The following FADS3 variants were observed in gnomAD, a reference collection of about 807,000 sequenced individuals.
FADS3 encodes the protein fatty acid desaturase 3, also known as cytochrome b5-related protein.
FADS3 carries 30 observed loss-of-function variants against 60.4 expected under a neutral mutation model. The ratio of observed to expected loss-of-function variants is 0.50; its 90% CI spans 0.37 to 0.67. FADS3 has a LOEUF of 0.67. FADS3 is among the 30% of genes least tolerant of loss of function. The pLI is 0.00. For missense variants in FADS3, 432 were observed against 598.3 expected, an observed-to-expected ratio of 0.72 and a Z score of 2.90; for synonymous variants, 234 against 249.3, an observed-to-expected ratio of 0.94 and a Z score of 0.58.
intron 1 of FADS3, among the ~76,000 whole-genome samples, chr11:61,886,558 G>A (rs556040070): frequency 6.6e-6 from 1 of 152,170 alleles, no homozygotes; most frequent in Non-Finnish European, 1.5e-5. Context: ...ACCAACTCCT[G>A]TGGCCTCAGA....
At chr11:61,889,912 G>A (rs1015049924) in intron 1 of FADS3, among the ~76,000 whole-genome samples, 7 of 152,146 alleles carry the variant, frequency 4.6e-5, no homozygotes, top group African/African-American at 1.7e-4. Context: ...CTCCTTGAAG[G>A]GAGGCCAGGG....
rs1368297196 is a variant in FADS3, at chr11:61,891,388, C to T, written c.-7G>A. On this transcript the variant is annotated 5_prime_UTR_variant, in exon 1 of 12. The change creates a new upstream start codon in the 5' untranslated region. Coordinates refer to ENST00000278829, the MANE Select transcript of FADS3 (RefSeq NM_021727.5). ...GCTCCCCGACGCCGCCCATGCTGCA[C>T]GCACGAGTCCTGGGGATCCCAGGCG... The T allele has an allele frequency of 6.2e-6, 9 of 1,446,298 alleles. No homozygotes were observed. The South Asian group carries it at 1.1e-4, about 18-fold the overall frequency. 89.6% of individuals were successfully genotyped at this position (1,446,298 alleles called of 1,614,324 possible).
intron 1 of FADS3, chr11:61,880,970 G>C (rs990302701): frequency 6.6e-6 from 1 of 151,982 alleles, no homozygotes; most frequent in Non-Finnish European, 1.5e-5. Flanking sequence ...CCAAAGTGCT[G>C]GAATTATAGG....
chr11:61,877,630 T>G lies in FADS3; in HGVS notation c.809-43A>C. 6.3e-7 allele frequency: 1 copy of G among 1,586,212 alleles called. No homozygotes were observed. Among genetic ancestry groups the G allele is most frequent in the Non-Finnish European group, 8.6e-7 (1 of 1,159,472 alleles). On this transcript the variant is annotated intron_variant, in intron 6 of 11. Coordinates refer to ENST00000278829, the MANE Select transcript of FADS3 (RefSeq NM_021727.5). This position sits in a 1 kb window ranked among gnomAD's most constrained non-coding sequence, Gnocchi z 4.7. ...AGAGTGTTCAGGAGTGGGGCTGGGCTGCCAAGGTGAGTGGGCGCCAGAGTG... is the reference window on the plus strand; with the variant it reads ...AGAGTGTTCAGGAGTGGGGCTGGGCGGCCAAGGTGAGTGGGCGCCAGAGTG...
At chr11:61,878,398 C>T in intron 5 of FADS3, 114 bp downstream of exon 5, 1 of 1,485,196 alleles carries the variant, frequency 6.7e-7, no homozygotes. Flanking sequence ...CTTGGCCCAG[C>T]CAGAGTGGAG....
Position 61,873,621 on chromosome 11 carries a change from C to A in FADS3, c.*193G>T. 1 of 607,454 alleles carries A rather than the reference C, an allele frequency of 1.6e-6. No individual in the cohort carries two copies. The highest frequency in any genetic ancestry group is 3.0e-6 in the Non-Finnish European group (1 of 337,950). 37.6% of individuals were successfully genotyped at this position (607,454 alleles called of 1,614,324 possible). A position where few individuals can be genotyped will look rare whatever the true frequency, so the allele number is the denominator to read the frequency against. ...GCTCACCTTCCCTCTACCCCTGTCC[C>A]ATCAGGCCCAGAGCCAAGGCCATAG... On this transcript the variant is annotated 3_prime_UTR_variant, in exon 12 of 12. Transcript: ENST00000278829.
In FADS3 at chr11:61,876,068, AC is replaced by A; in HGVS notation, c.1160+42del. On this transcript the variant is annotated intron_variant, in intron 10 of 11. Transcript: ENST00000278829. The surrounding 1 kb of genome is among the most constrained non-coding windows in gnomAD (Gnocchi z 5.7). ...TCCCCTCCCAGGATCCCCTCCCAGG[AC>A]CCCCTCCCCACCTCCCACTGGCCCC... 8.4e-7 allele frequency: 1 copy of A among 1,185,470 alleles called. No individual in the cohort carries two copies. The highest frequency in any genetic ancestry group is 1.2e-5 in the South Asian group (1 of 82,728). 73.4% of individuals were successfully genotyped at this position (1,185,470 alleles called of 1,614,324 possible).
intron 1 of FADS3, among the ~76,000 whole-genome samples, chr11:61,884,490 C>T (rs927068915): frequency 3.9e-5 from 6 of 152,178 alleles, no homozygotes; most frequent in Non-Finnish European, 8.8e-5. Context: ...AAAACAAAAG[C>T]GAAAAACTGT....
rs1462367624 is a variant in FADS3 at position 61,877,717 on chromosome 11, G to C, written c.809-130C>G. The C allele has an allele frequency of 3.7e-6, 3 of 805,412 alleles. No homozygotes were observed. The highest frequency in any genetic ancestry group is 2.1e-5 in the Admixed American group (1 of 47,350). 49.9% of individuals were successfully genotyped at this position (805,412 alleles called of 1,614,324 possible). On this transcript the variant is annotated intron_variant, in intron 6 of 11. Transcript: ENST00000278829. The surrounding 1 kb of genome is among the most constrained non-coding windows in gnomAD (Gnocchi z 4.7). The stretch of plus-strand genomic sequence containing the variant: ...TGGTGCTGGTCACATCCAGCTGAAT[G>C]ACCCCATATCACCCCCAATTCTGTG...
chr11:61,891,608 C>T, upstream of FADS3: 1 of 180,444 alleles, frequency 5.5e-6, no homozygotes, highest in Non-Finnish European at 1.1e-5. Context: ...CTCGCCTGCC[C>T]CCCCGCCCCC....
intron 1 of FADS3, among the ~76,000 whole-genome samples, chr11:61,885,260 C>T (rs1938274390): frequency 6.6e-6 from 1 of 152,158 alleles, no homozygotes; most frequent in Admixed American, 6.5e-5. Context: ...CAGAGCCAGC[C>T]TGCCCAGGAT....
chr11:61,875,608 C>G (rs1937845788), intron 11 of FADS3, among the ~76,000 whole-genome samples: 1 of 152,094 alleles, frequency 6.6e-6, no homozygotes, highest in Admixed American at 6.5e-5. Flanking sequence ...GCTTCTTTCC[C>G]TCAGCCTTTG....
Position 61,877,397 on chromosome 11 carries a change from A to G in FADS3, c.885+114T>C. The G allele has an allele frequency of 3.2e-6, 3 of 940,598 alleles. No individual in the cohort carries two copies. Among genetic ancestry groups the G allele is most frequent in the Non-Finnish European group, 5.0e-6 (3 of 601,512 alleles). The allele number at this position is 940,598 out of a possible 1,614,324, so 58.3% of individuals were successfully genotyped here. A position where few individuals can be genotyped will look rare whatever the true frequency, so the allele number is the denominator to read the frequency against. On this transcript the variant is annotated intron_variant, in intron 7 of 11. Coordinates refer to ENST00000278829, the MANE Select transcript of FADS3 (RefSeq NM_021727.5). This position sits in a 1 kb window ranked among gnomAD's most constrained non-coding sequence, Gnocchi z 4.7. Reference sequence around the variant, plus strand: ...TGTTGCACGCATACATGTGAGCCACACTGTTGCACGCACATGTGCACCCTG... The same window carrying G: ...TGTTGCACGCATACATGTGAGCCACGCTGTTGCACGCACATGTGCACCCTG...
chr11:61,892,143 G>C (rs1938545603), upstream of FADS3: 1 of 152,400 alleles, frequency 6.6e-6, no homozygotes, highest in East Asian at 1.9e-4. Flanking sequence ...GGATGCCCAG[G>C]GGTGGCCAAG....
rs757936270 is a variant in FADS3, at chr11:61,877,155, G to A, written c.886-192C>T. The A allele has an allele frequency of 1.3e-4, 71 of 560,658 alleles. No individual in the cohort carries two copies. The highest frequency in any genetic ancestry group is 9.5e-4 in the Middle Eastern group (2 of 2,104). 34.7% of individuals were successfully genotyped at this position (560,658 alleles called of 1,614,324 possible). The stretch of plus-strand genomic sequence containing the variant: ...CAGGGTCCTTGCCCTGCCAGCTCAC[G>A]AGGCTGATTTTAGTGACGAAGGTGT... On this transcript the variant is annotated intron_variant, in intron 7 of 11. Transcript: ENST00000278829. The surrounding 1 kb of genome is among the most constrained non-coding windows in gnomAD (Gnocchi z 4.7).
intron 1 of FADS3, among the ~76,000 whole-genome samples, chr11:61,884,795 C>G (rs1273024556): frequency 3.3e-5 from 5 of 152,220 alleles, no homozygotes; most frequent in Non-Finnish European, 1.5e-5. Context: ...AAGCGGCACT[C>G]GACGTCTCTC....
chr11:61,886,090 A>G (rs1194114171), intron 1 of FADS3, among the ~76,000 whole-genome samples: 3 of 152,116 alleles, frequency 2.0e-5, no homozygotes, highest in Non-Finnish European at 4.4e-5. Context: ...GACACCCCCA[A>G]AAAGCTACCC....
intron 4 of FADS3, 28 bp downstream of exon 4, chr11:61,878,718 C>A (rs770654064): frequency 6.2e-7 from 1 of 1,612,582 alleles, no homozygotes. Context: ...CCACCCAGCA[C>A]CTGGCTGACC....
chr11:61,886,666 G>C (rs895127763), intron 1 of FADS3, among the ~76,000 whole-genome samples: 29 of 151,964 alleles, frequency 1.9e-4, no homozygotes, highest in Non-Finnish European at 3.2e-4. Context: ...CAAGGGTCCT[G>C]AGAAGGTTCC....
Sources: gnomAD v4.1 joint callset for allele counts (sites outside exome capture counted in the v4.1 genomes callset) on GRCh38, gnomAD v4.1.1 for gene constraint, Gnocchi (gnomAD v3.1) non-coding constraint, MANE v1.5 for transcripts, NCBI Gene and HGNC (gene_info 2026-07-23, HGNC 2026-07-21) for gene names.